BTBD9: variants seen among roughly 807,000 people sequenced by gnomAD.
The protein encoded by BTBD9 is BTB domain containing 9, also known as BTB/POZ domain-containing protein 9.
A neutral mutation model predicts 64.3 loss-of-function variants in BTBD9; 49 were observed. The ratio of observed to expected loss-of-function variants is 0.76; its 90% confidence interval spans 0.61 to 0.97. The LOEUF is 0.97. BTBD9 is among the 50% of genes least tolerant of loss of function. The pLI, the probability that BTBD9 is intolerant of heterozygous loss-of-function variation, is 0.00. For synonymous variants in BTBD9, 260 were observed against 274.7 expected (o/e 0.95, Z 0.53); for missense variants, 598 against 762.1 (o/e 0.78, Z 2.53).
intron 7 of BTBD9, among the ~76,000 whole-genome samples, chr6:38,339,567 T>C (rs575618271): frequency 1.3e-5 from 2 of 152,288 alleles, no homozygotes; most frequent in South Asian, 2.1e-4. Context: ...TTTAAAGACG[T>C]TGGGAGGATA....
chr6:38,208,115 A>G (rs1328956155), intron 9 of BTBD9, among the ~76,000 whole-genome samples: 3 of 152,336 alleles, frequency 2.0e-5, no homozygotes, highest in African/African-American at 7.2e-5. Context: ...GGCAGGCATG[A>G]ACCTTTGGAA....
At chr6:38,512,117 G>A (rs1190721298) in intron 6 of BTBD9, among the ~76,000 whole-genome samples, 5 of 152,164 alleles carry the variant, frequency 3.3e-5, no homozygotes, top group Non-Finnish European at 7.3e-5. Context: ...GGGATTACAG[G>A]CACGCACCAT....
rs187873684 is a variant in BTBD9 at position 38,631,864 on chromosome 6, C to T, written c.-28+7936G>A. Among the ~76,000 whole-genome samples the T allele has an allele frequency of 1.3e-4, 20 of 152,364 alleles. 1 individual carries two copies. Among genetic ancestry groups the T allele is most frequent in the African/African-American group, 4.8e-4 (20 of 41,574 alleles). ...TTGTTGTTGGCTGGGCACGGTGGCT[C>T]ACGCCTGTAATCCCAGCACTTTGGG... On this transcript the variant is annotated intron_variant, in intron 1 of 10. Coordinates refer to ENST00000481247, the MANE Select transcript of BTBD9 (RefSeq NM_001099272.2).
chr6:38,399,270 A>C (rs1187470434), intron 6 of BTBD9, among the ~76,000 whole-genome samples: 1 of 152,226 alleles, frequency 6.6e-6, no homozygotes, highest in Non-Finnish European at 1.5e-5. Context: ...AATATTTAGG[A>C]TATCTGGAAG....
At chr6:38,433,026 T>C (rs928381398) in intron 6 of BTBD9, among the ~76,000 whole-genome samples, 1 of 151,988 alleles carries the variant, frequency 6.6e-6, no homozygotes, top group African/African-American at 2.4e-5. Context: ...TATTCTGTTA[T>C]AGCAACAGAA....
At chr6:38,407,757 T>C (rs1043114621) in intron 6 of BTBD9, among the ~76,000 whole-genome samples, 2 of 152,198 alleles carry the variant, frequency 1.3e-5, no homozygotes, top group African/African-American at 2.4e-5. Context: ...CCTATGTTCA[T>C]GACTATAAAG....
chr6:38,186,643 G>A (rs1761832059), intron 10 of BTBD9, among the ~76,000 whole-genome samples: 1 of 152,090 alleles, frequency 6.6e-6, no homozygotes, highest in South Asian at 2.1e-4. Flanking sequence ...CAGGCACCAC[G>A]CTAGGTGCCA....
At chr6:38,437,279 G>A (rs542729233) in intron 6 of BTBD9, among the ~76,000 whole-genome samples, 12 of 152,232 alleles carry the variant, frequency 7.9e-5, no homozygotes, top group Admixed American at 2.0e-4. Flanking sequence ...GGAGGGTCAC[G>A]GCAGCTGGTA....
intron 6 of BTBD9, among the ~76,000 whole-genome samples, chr6:38,345,296 G>A (rs993540934): frequency 2.0e-5 from 3 of 152,178 alleles, no homozygotes; most frequent in African/African-American, 7.2e-5. Flanking sequence ...CAAAATAAGG[G>A]ACATGTCATT....
chr6:38,627,331 T>A (rs890808537), intron 1 of BTBD9, among the ~76,000 whole-genome samples: 1 of 152,178 alleles, frequency 6.6e-6, no homozygotes, highest in African/African-American at 2.4e-5. Context: ...ATCCATGACA[T>A]GGTGCTCTGT....
chr6:38,368,671 G>C (rs1054961270), intron 6 of BTBD9, among the ~76,000 whole-genome samples: 11 of 151,990 alleles, frequency 7.2e-5, no homozygotes, highest in Non-Finnish European at 1.5e-4. Context: ...TTGAGAATCT[G>C]ACAGAAGTTA....
intron 8 of BTBD9, among the ~76,000 whole-genome samples, chr6:38,270,295 G>T (rs1311783770): frequency 2.0e-5 from 3 of 151,988 alleles, no homozygotes; most frequent in Non-Finnish European, 4.4e-5. Flanking sequence ...CACGGTCCTC[G>T]TGCCATGCAG....
At chr6:38,192,469 C>T (rs769155911) in intron 10 of BTBD9, 50 bp downstream of exon 10, 2 of 1,487,708 alleles carry the variant, frequency 1.3e-6, no homozygotes, top group Non-Finnish European at 1.9e-6. Flanking sequence ...GTAGCATTTA[C>T]CTGTACATCA....
At chr6:38,593,353 C>T (rs771165647) in intron 3 of BTBD9, among the ~76,000 whole-genome samples, 1 of 152,084 alleles carries the variant, frequency 6.6e-6, no homozygotes, top group Non-Finnish European at 1.5e-5. Context: ...TAGGATAACA[C>T]AGATCTTAAT....
chr6:38,424,835 TTTATTA>T (rs1385612133), intron 6 of BTBD9, among the ~76,000 whole-genome samples: 19 of 150,840 alleles, frequency 1.3e-4, no homozygotes, highest in Non-Finnish European at 2.5e-4. Flanking sequence ...TTATTTTATT[TTTATTA>T]TTATTATTAT....
chr6:38,419,794 C>G (rs1195097927), intron 6 of BTBD9, among the ~76,000 whole-genome samples: 1 of 152,078 alleles, frequency 6.6e-6, no homozygotes, highest in Non-Finnish European at 1.5e-5. Flanking sequence ...CGCTTGAACT[C>G]GGGAGATAGA....
At chr6:38,277,987 C>T (rs924815729) in intron 8 of BTBD9, among the ~76,000 whole-genome samples, 3 of 152,164 alleles carry the variant, frequency 2.0e-5, no homozygotes, top group Non-Finnish European at 2.9e-5. Context: ...TAGGGCTGAC[C>T]GTATGACATA....
At chr6:38,399,353 A>T (rs907657946) in intron 6 of BTBD9, among the ~76,000 whole-genome samples, 4 of 152,224 alleles carry the variant, frequency 2.6e-5, no homozygotes, top group African/African-American at 9.6e-5. Flanking sequence ...CATGAAAGGC[A>T]ACAGTGCAAG....
At chr6:38,574,269 C>T (rs1441954272) in intron 6 of BTBD9, among the ~76,000 whole-genome samples, 1 of 152,106 alleles carries the variant, frequency 6.6e-6, no homozygotes, top group Non-Finnish European at 1.5e-5. Flanking sequence ...GAGGTGAATG[C>T]TGACTGAATT....
Sources: gnomAD v4.1 joint callset for allele counts (sites outside exome capture counted in the v4.1 genomes callset) on GRCh38, gnomAD v4.1.1 for gene constraint, MANE v1.5 for transcripts, NCBI Gene and HGNC (gene_info 2026-07-23, HGNC 2026-07-21) for gene names.